Variants in CNTLN observed in about 807,000 individuals in gnomAD.
CNTLN encodes centlein.
A neutral mutation model predicts 180.0 loss-of-function variants in CNTLN; 212 were observed. The ratio of observed to expected loss-of-function variants is 1.18; its 90% CI spans 1.05 to 1.32. The LOEUF (loss-of-function observed/expected upper bound fraction) is 1.32. CNTLN is among the 40% of genes most tolerant of loss of function. The pLI is 0.00. For synonymous variants in CNTLN, 722 were observed against 563.1 expected, an observed-to-expected ratio of 1.28 and a Z score of -3.99; for missense variants, 2,095 against 1,610.9, an observed-to-expected ratio of 1.30 and a Z score of -5.14.
chr9:17,185,560 T>G (rs921132665), intron 2 of CNTLN, among the ~76,000 whole-genome samples: 1 of 152,208 alleles, frequency 6.6e-6, no homozygotes, highest in African/African-American at 2.4e-5. Context: ...TCTAGTTTAC[T>G]TTTCCCTGTT....
chr9:17,494,635 G>A (rs750984102), intron 25 of CNTLN, among the ~76,000 whole-genome samples: 1 of 152,006 alleles, frequency 6.6e-6, no homozygotes, highest in African/African-American at 2.4e-5. Context: ...TTGGTTTTCT[G>A]TTCCTGCATT....
intron 2 of CNTLN, among the ~76,000 whole-genome samples, chr9:17,191,460 A>G (rs1451844181): frequency 6.6e-6 from 1 of 152,164 alleles, no homozygotes; most frequent in Non-Finnish European, 1.5e-5. Flanking sequence ...CCCCTGGGAA[A>G]CTTGACACAC....
intron 10 of CNTLN, among the ~76,000 whole-genome samples, chr9:17,336,921 C>T (rs1162364760): frequency 6.6e-6 from 1 of 152,080 alleles, no homozygotes; most frequent in Non-Finnish European, 1.5e-5. Context: ...ACTAATTTAC[C>T]CTCCCGCCAA....
At chr9:17,483,366 G>A (rs1361928884) in intron 23 of CNTLN, among the ~76,000 whole-genome samples, 1 of 152,140 alleles carries the variant, frequency 6.6e-6, no homozygotes, top group Non-Finnish European at 1.5e-5. Context: ...ATATATATTA[G>A]TGCTATCTTG....
At chr9:17,225,048 C>G (rs1824377437) in intron 2 of CNTLN, among the ~76,000 whole-genome samples, 1 of 151,976 alleles carries the variant, frequency 6.6e-6, no homozygotes. Context: ...TCACCCTAGT[C>G]TCTTTCCTGA....
rs902642059 is a variant in CNTLN at position 17,261,202 on chromosome 9, C to G, written c.850-12531C>G. Among the ~76,000 whole-genome samples the G allele has an allele frequency of 3.3e-5, 5 of 151,384 alleles. 1 individual carries two copies. The highest frequency in any genetic ancestry group is 1.2e-4 in the African/African-American group (5 of 40,850). ...AAATTTTGGAATAGTTTTTGTAATTCTGTCAAAAGTGACGTTGGTAGTTTG... is the reference window on the plus strand; with the variant it reads ...AAATTTTGGAATAGTTTTTGTAATTGTGTCAAAAGTGACGTTGGTAGTTTG... On this transcript the variant is annotated intron_variant, in intron 5 of 25. Coordinates refer to ENST00000380647, the MANE Select transcript of CNTLN (RefSeq NM_017738.4).
rs1393862334 is a variant in CNTLN at position 17,320,795 on chromosome 9, G to A, written c.1342-9837G>A. ...TGGGATTACAGGCACAAGCCACCGTGTCTGGCCTCATTTATATATATTTAT... is the reference window on the plus strand; with the variant it reads ...TGGGATTACAGGCACAAGCCACCGTATCTGGCCTCATTTATATATATTTAT... On this transcript the variant is annotated intron_variant, in intron 8 of 25. Coordinates refer to ENST00000380647, the MANE Select transcript of CNTLN (RefSeq NM_017738.4). Among the ~76,000 whole-genome samples the A allele has an allele frequency of 2.0e-5, 3 of 152,282 alleles. No homozygotes were observed. The South Asian group carries it at 6.2e-4, about 32-fold the overall frequency.
chr9:17,402,453 C>G (rs1359792902), intron 15 of CNTLN, among the ~76,000 whole-genome samples: 1 of 151,760 alleles, frequency 6.6e-6, no homozygotes, highest in African/African-American at 2.4e-5. Context: ...GAACTAAGTC[C>G]CACATGGAGG....
intron 18 of CNTLN, among the ~76,000 whole-genome samples, chr9:17,418,057 A>G (rs192351987): frequency 6.6e-6 from 1 of 152,078 alleles, no homozygotes; most frequent in East Asian, 1.9e-4. Flanking sequence ...TCCAAGGTAA[A>G]TGTCTTACTT....
At chr9:17,402,276 A>G (rs917797877) in intron 15 of CNTLN, among the ~76,000 whole-genome samples, 3 of 151,884 alleles carry the variant, frequency 2.0e-5, no homozygotes, top group Admixed American at 1.3e-4. Context: ...CAAGGATAGC[A>G]TCTACAATAG....
chr9:17,370,775 A>G (rs1044816180), intron 13 of CNTLN, among the ~76,000 whole-genome samples: 4 of 151,276 alleles, frequency 2.6e-5, no homozygotes, highest in African/African-American at 9.9e-5. Flanking sequence ...AGATATAAAC[A>G]ACAAAAAGTT....
rs1157225809 is a variant in CNTLN, at chr9:17,298,856, A to G, written c.1146+504A>G. ...TTTCTGTTCAGTAGTCTTTTACTTT[A>G]CAGTTGTTTTAGGAGCCTTTCAAGA... On this transcript the variant is annotated intron_variant, in intron 7 of 25. Transcript: ENST00000380647. The G allele has an allele frequency of 4.1e-6, 4 of 985,300 alleles. No individual in the cohort carries two copies. The African/African-American group carries it at 7.0e-5, about 17-fold the overall frequency. 61.0% of individuals were successfully genotyped at this position (985,300 alleles called of 1,614,324 possible). A position where few individuals can be genotyped will look rare whatever the true frequency, so the allele number is the denominator to read the frequency against.
chr9:17,360,100 T>A (rs1304362524), intron 12 of CNTLN, among the ~76,000 whole-genome samples: 1 of 152,202 alleles, frequency 6.6e-6, no homozygotes, highest in Non-Finnish European at 1.5e-5. Flanking sequence ...TAAGGATTGC[T>A]TTTGCTGTGC....
At chr9:17,357,958 T>C (rs982804735) in intron 12 of CNTLN, among the ~76,000 whole-genome samples, 1 of 151,894 alleles carries the variant, frequency 6.6e-6, no homozygotes, top group Non-Finnish European at 1.5e-5. Flanking sequence ...TAAGAAACTT[T>C]GTTCTGAAGA....
chr9:17,379,156 G>A lies in CNTLN; in HGVS notation c.1988-9006G>A, dbSNP rs563651187. Among the ~76,000 whole-genome samples the A allele has an allele frequency of 7.9e-5, 12 of 151,572 alleles. No homozygotes were observed. The South Asian group carries it at 1.7e-3, about 21-fold the overall frequency. The stretch of plus-strand genomic sequence containing the variant: ...CTTACTTTGTTCACGTTAGTATAGC[G>A]TGCCCCACTTTTTTCCCTCGGCTAG... On this transcript the variant is annotated intron_variant, in intron 13 of 25. Transcript: ENST00000380647.
intron 2 of CNTLN, among the ~76,000 whole-genome samples, chr9:17,160,564 T>A (rs1441760801): frequency 6.6e-6 from 1 of 152,198 alleles, no homozygotes; most frequent in African/African-American, 2.4e-5. Flanking sequence ...TTCCTCTGTG[T>A]CCTTAACTTT....
At chr9:17,355,371 T>C (rs2133334300) in intron 12 of CNTLN, among the ~76,000 whole-genome samples, 1 of 152,312 alleles carries the variant, frequency 6.6e-6, no homozygotes, top group Non-Finnish European at 1.5e-5. Context: ...AAGAGTTTCC[T>C]CCCATTCCGT....
intron 15 of CNTLN, 90 bp downstream of exon 15, chr9:17,395,159 A>AT (rs1826424433): frequency 1.4e-6 from 2 of 1,469,020 alleles, no homozygotes; most frequent in Non-Finnish European, 9.0e-7. Flanking sequence ...ACTACTGTCG[A>AT]TTTGGTATTC....
At chr9:17,424,071 C>T (rs1270693805) in intron 18 of CNTLN, among the ~76,000 whole-genome samples, 1 of 152,138 alleles carries the variant, frequency 6.6e-6, no homozygotes, top group Non-Finnish European at 1.5e-5. Flanking sequence ...AAGAAAGTCA[C>T]TGGAGTTCTG....
Sources: allele counts gnomAD v4.1 joint callset (sites outside exome capture counted in the v4.1 genomes callset), GRCh38; gene constraint gnomAD v4.1.1; transcripts MANE v1.5; gene names NCBI Gene and HGNC (gene_info 2026-07-23, HGNC 2026-07-21).